AVEN: variants seen among roughly 807,000 people sequenced by gnomAD.
AVEN encodes cell death regulator Aven.
Under a neutral mutation model 38.1 loss-of-function variants are expected in AVEN, and 41 were observed. That is an observed-to-expected ratio of 1.08 (90% CI 0.84 to 1.40). AVEN has a LOEUF of 1.40. Among genes scored for constraint, AVEN ranks in the 40% most tolerant of loss-of-function variants. The probability of loss-of-function intolerance (pLI) is 0.00; values close to 1 mark genes in which losing one functional copy is unlikely to be tolerated. For missense variants in AVEN, 605 were observed against 438.8 expected, an observed-to-expected ratio of 1.38 and a Z score of -3.38; for synonymous variants, 206 against 171.8, an observed-to-expected ratio of 1.20 and a Z score of -1.56.
chr15:33,852,908 C>G, the AVEN span: 1 of 723,216 alleles, frequency 1.4e-6, no homozygotes, highest in Non-Finnish European at 2.4e-6. Flanking sequence ...GAACTTCAAT[C>G]AGATCTTAAA....
intron 2 of AVEN, among the ~76,000 whole-genome samples, chr15:33,983,142 G>GTGTGTGTGTGTGTGTA (rs1567447376): frequency 1.7e-5 from 2 of 115,620 alleles, no homozygotes; most frequent in African/African-American, 9.2e-5. Flanking sequence ...GTGTGTGTGT[G>GTGTGTGTGTGTGTGTA]TGTGTGTGTG....
intron 2 of AVEN, among the ~76,000 whole-genome samples, chr15:33,896,688 T>C (rs1200848187): frequency 1.3e-5 from 2 of 152,168 alleles, no homozygotes; most frequent in Non-Finnish European, 2.9e-5. Context: ...CCTGCATCCA[T>C]CCCTCTCATC....
Position 33,983,182 on chromosome 15 carries a change from ACG to A in AVEN, c.445+19848_445+19849del, listed in dbSNP as rs1896249378. ...TGTATGTGTGTGTGTATATATACAC[ACG>A]TGTGTGTATGTGTGTGTATATATAT... is the stretch of plus-strand genomic sequence containing the variant. On this transcript the variant is annotated intron_variant, in intron 2 of 5. Transcript: ENST00000306730. Among the ~76,000 whole-genome samples, 8 of 112,488 alleles carry A rather than the reference ACG, an allele frequency of 7.1e-5. 1 individual carries two copies. The South Asian group carries it at 2.5e-3, about 35-fold the overall frequency. The allele number at this position is 112,488 out of a possible 152,430, so 73.8% of individuals were successfully genotyped here.
intron 1 of AVEN, among the ~76,000 whole-genome samples, chr15:34,027,528 C>CAAAAA (rs35780353): frequency 0.045 from 6,017 of 132,366 alleles, 220 homozygotes; most frequent in Non-Finnish European, 0.07. Flanking sequence ...GACTCTGTCT[C>CAAAAA]AAAAAAAAAA....
At chr15:34,016,741 C>A (rs1260140368) in intron 1 of AVEN, among the ~76,000 whole-genome samples, 1 of 152,176 alleles carries the variant, frequency 6.6e-6, no homozygotes, top group African/African-American at 2.4e-5. Flanking sequence ...TTTAAACCAG[C>A]GTAACCGTTT....
At chr15:33,917,014 T>A (rs1240928933) in intron 2 of AVEN, among the ~76,000 whole-genome samples, 1 of 152,070 alleles carries the variant, frequency 6.6e-6, no homozygotes, top group Non-Finnish European at 1.5e-5. Context: ...GAACAGCATG[T>A]GGGTAACTGC....
chr15:34,063,829 C>G lies in AVEN; in HGVS notation n.1127-397G>C. ...CTGTCTCCAGCAGCTGCTCATAGAC[C>G]CAAGAGTCAGAAATGTGTGGCCTAT... On this transcript the variant is annotated intron_variant and non_coding_transcript_variant, in intron 4 of 11. Coordinates refer to the AVEN transcript ENST00000675287. This position sits in a 1 kb window ranked among gnomAD's most constrained non-coding sequence, Gnocchi z 4.1. 1 of 1,614,118 alleles carries G rather than the reference C, an allele frequency of 6.2e-7. No homozygotes were observed. Among genetic ancestry groups the G allele is most frequent in the Non-Finnish European group, 8.5e-7 (1 of 1,180,032 alleles).
chr15:33,859,560 A>C (rs780122828), intron 11 of AVEN: 1 of 1,613,120 alleles, frequency 6.2e-7, no homozygotes, highest in South Asian at 1.1e-5. Flanking sequence ...AATCCCCCTT[A>C]TTTTTCTTCT....
At chr15:33,949,524 AATT>A (rs1336226644) in intron 2 of AVEN, among the ~76,000 whole-genome samples, 1 of 152,144 alleles carries the variant, frequency 6.6e-6, no homozygotes, top group Non-Finnish European at 1.5e-5. Flanking sequence ...AAATATGTAT[AATT>A]ATTATGCATA....
In AVEN at chr15:33,867,611, A is replaced by T. The variant is rs1890689630; in HGVS notation, c.857T>A (p.Leu286Gln). Residue 286 changes from leucine (L) to glutamine (Q), a missense_variant, in exon 5 of 6, where the codon CTA becomes CAA. Coordinates refer to ENST00000306730, the MANE Select transcript of AVEN (RefSeq NM_020371.3). ...QSAGDHLEEE[L>Q]DLLLNLDAPI... Reference sequence around the variant, plus strand: ...TGCATCTAAATTAAGCAACAGATCTAGTTCTTCTTCCAAATGGTCTCCTGC... The same window carrying T: ...TGCATCTAAATTAAGCAACAGATCTTGTTCTTCTTCCAAATGGTCTCCTGC... 6.2e-7 allele frequency: 1 copy of T among 1,614,218 alleles called. No individual in the cohort carries two copies. The highest frequency in any genetic ancestry group is 2.2e-5 in the East Asian group (1 of 44,884).
At chr15:33,891,502 T>TA (rs1891963739) in intron 2 of AVEN, among the ~76,000 whole-genome samples, 2 of 152,188 alleles carry the variant, frequency 1.3e-5, no homozygotes, top group Non-Finnish European at 2.9e-5. Context: ...TTTTCTGTGA[T>TA]AGTCTGCTGA....
chr15:33,907,089 T>C (rs1366637625), intron 2 of AVEN, among the ~76,000 whole-genome samples: 1 of 151,846 alleles, frequency 6.6e-6, no homozygotes, highest in Admixed American at 6.6e-5. Flanking sequence ...AAAAGAAAAA[T>C]AATTATAGAC....
At chr15:33,881,950 T>G (rs1891503001) in intron 2 of AVEN, among the ~76,000 whole-genome samples, 1 of 152,168 alleles carries the variant, frequency 6.6e-6, no homozygotes, top group Admixed American at 6.5e-5. Flanking sequence ...TGGAGAAGTG[T>G]GTCTTAGGAG....
chr15:34,028,860 C>T (rs568585214), intron 1 of AVEN, among the ~76,000 whole-genome samples: 55 of 151,750 alleles, frequency 3.6e-4, no homozygotes, highest in African/African-American at 1.3e-3. Flanking sequence ...CACATTGTAC[C>T]TTCACCTGAA....
intron 2 of AVEN, among the ~76,000 whole-genome samples, chr15:33,926,714 G>T (rs964718046): frequency 6.6e-6 from 1 of 152,118 alleles, no homozygotes; most frequent in Non-Finnish European, 1.5e-5. Context: ...AGGCTGGAGT[G>T]CACAATCTCA....
chr15:34,013,843 A>G (rs1054587767), intron 1 of AVEN, among the ~76,000 whole-genome samples: 1 of 152,180 alleles, frequency 6.6e-6, no homozygotes, highest in African/African-American at 2.4e-5. Flanking sequence ...ACGAGGACCC[A>G]TGAGCGAGAA....
chr15:33,871,411 A>G (rs889200859), intron 3 of AVEN, among the ~76,000 whole-genome samples: 2 of 152,166 alleles, frequency 1.3e-5, no homozygotes, highest in African/African-American at 2.4e-5. Context: ...TACTGAAAAT[A>G]CAAAAAATTA....
chr15:33,871,103 G>T (rs530493812), intron 3 of AVEN, 73 bp from the exon 4 acceptor site: 4 of 995,950 alleles, frequency 4.0e-6, no homozygotes, highest in African/African-American at 3.4e-5. Context: ...AGAAGAAACT[G>T]TAAATAATCC....
chr15:33,970,638 A>C (rs73383748), intron 2 of AVEN, among the ~76,000 whole-genome samples: 7,153 of 151,960 alleles, frequency 0.047, 513 homozygotes, highest in African/African-American at 0.15. Context: ...TAAATGAAGA[A>C]TATTAATCAA....
Sources: gnomAD v4.1 joint callset for allele counts (sites outside exome capture counted in the v4.1 genomes callset) on GRCh38, gnomAD v4.1.1 for gene constraint, Gnocchi (gnomAD v3.1) non-coding constraint, MANE v1.5 for transcripts, NCBI Gene and HGNC (gene_info 2026-07-23, HGNC 2026-07-21) for gene names.